The following RASA3 variants were observed in gnomAD, a reference collection of about 807,000 sequenced individuals.
RASA3 encodes the protein ras GTPase-activating protein 3.
A neutral mutation model predicts 110.0 loss-of-function variants in RASA3; 73 were observed. That is an observed-to-expected ratio of 0.66 (90% CI 0.55 to 0.81). The LOEUF (loss-of-function observed/expected upper bound fraction) is 0.81. RASA3 is among the 30% of genes least tolerant of loss of function. RASA3 has a pLI of 0.00. For synonymous variants in RASA3, 500 were observed against 451.4 expected, an observed-to-expected ratio of 1.11 and a Z score of -1.37; for missense variants, 976 against 1,113.2, an observed-to-expected ratio of 0.88 and a Z score of 1.75.
intron 5 of RASA3, among the ~76,000 whole-genome samples, chr13:114,028,704 G>A (rs1342943455): frequency 7.6e-5 from 7 of 91,908 alleles, no homozygotes; most frequent in East Asian, 7.9e-4. Context: ...CCTCTAAAAC[G>A]GCATCATCCT....
intron 4 of RASA3, among the ~76,000 whole-genome samples, chr13:114,034,300 C>T (rs949596666): frequency 6.6e-6 from 1 of 152,278 alleles, no homozygotes; most frequent in Non-Finnish European, 1.5e-5. Flanking sequence ...AGGACAGAAG[C>T]GTTCAGATTT....
At chr13:114,027,346 G>T in intron 7 of RASA3, 43 bp downstream of exon 7, 1 of 1,443,468 alleles carries the variant, frequency 6.9e-7, no homozygotes, top group Non-Finnish European at 9.7e-7. Flanking sequence ...ACGTGTCTCG[G>T]GTGCAGAGTT....
At position 114,056,113 on chromosome 13, in the gene RASA3, G is replaced by A. The variant is rs532044436; in HGVS notation, c.174-3958C>T. Among the ~76,000 whole-genome samples, 161 of 152,310 alleles carry A rather than the reference G, an allele frequency of 1.1e-3. No homozygotes were observed. Among genetic ancestry groups the A allele is most frequent in the Non-Finnish European group, 2.0e-3 (136 of 68,022 alleles). ...CCCCCCGCCCCCGCACAGGCACTGA[G>A]GACCCCACCACATGGGCCTGTGCCT... On this transcript the variant is annotated intron_variant, in intron 2 of 23. Transcript: ENST00000334062. This position sits in a 1 kb window ranked among gnomAD's most constrained non-coding sequence, Gnocchi z 5.7.
intron 3 of RASA3, among the ~76,000 whole-genome samples, chr13:114,043,838 C>CCCCCCCCCCCCCCCCCCCTCGCTGAGCCG (rs2078986042): frequency 5.0e-5 from 1 of 19,930 alleles, no homozygotes; most frequent in African/African-American, 4.3e-4. Flanking sequence ...ACTCGCTGAG[C>CCCCCCCCCCCCCCCCCCCTCGCTGAGCCG]CCCCCGCCCC....
rs1259730291 is a variant in RASA3, at chr13:114,115,831, G to C, written c.55+16604C>G. Among the ~76,000 whole-genome samples the C allele has an allele frequency of 6.6e-6, 1 of 152,246 alleles. No homozygotes were observed. Among genetic ancestry groups the C allele is most frequent in the East Asian group, 1.9e-4 (1 of 5,206 alleles). Reference sequence around the variant, plus strand: ...GACGTTGCTACAGATGTATGTGTTTGTGTGAAGCTGTATTTAAATGTGAGA... The same window carrying C: ...GACGTTGCTACAGATGTATGTGTTTCTGTGAAGCTGTATTTAAATGTGAGA... On this transcript the variant is annotated intron_variant, in intron 1 of 23. Coordinates refer to ENST00000334062, the MANE Select transcript of RASA3 (RefSeq NM_007368.4). This position sits in a 1 kb window ranked among gnomAD's most constrained non-coding sequence, Gnocchi z 5.0.
At chr13:114,009,623 G>A (rs569186797) in intron 16 of RASA3, among the ~76,000 whole-genome samples, 159 bp from the exon 17 acceptor site, 2 of 152,342 alleles carry the variant, frequency 1.3e-5, no homozygotes, top group South Asian at 2.1e-4. Flanking sequence ...AGGGCTGCCC[G>A]GAGGACGAAT....
rs892076818 is a variant in RASA3, at chr13:114,112,541, G to A, written c.55+19894C>T. 1.3e-5 allele frequency among the ~76,000 whole-genome samples: 2 copies of A among 152,160 alleles called. No individual in the cohort carries two copies. The highest frequency in any genetic ancestry group is 6.5e-5 in the Admixed American group (1 of 15,290). ...GCCAGCCCCAGCTCTGTAGGGGTGC[G>A]GCCTGCCTCGAGCACTTCACACGCG... is the stretch of plus-strand genomic sequence containing the variant. On this transcript the variant is annotated intron_variant, in intron 1 of 23. Transcript: ENST00000334062. This position sits in a 1 kb window ranked among gnomAD's most constrained non-coding sequence, Gnocchi z 4.8.
In RASA3 at chr13:114,057,131, G is replaced by T; in HGVS notation, c.174-4976C>A. The T allele has an allele frequency of 1.1e-6, 1 of 892,428 alleles. No homozygotes were observed. Among genetic ancestry groups the T allele is most frequent in the Non-Finnish European group, 1.3e-6 (1 of 745,320 alleles). 55.3% of individuals were successfully genotyped at this position (892,428 alleles called of 1,614,324 possible). A position where few individuals can be genotyped will look rare whatever the true frequency, so the allele number is the denominator to read the frequency against. On this transcript the variant is annotated intron_variant, in intron 2 of 23. Coordinates refer to ENST00000334062, the MANE Select transcript of RASA3 (RefSeq NM_007368.4). This position sits in a 1 kb window ranked among gnomAD's most constrained non-coding sequence, Gnocchi z 5.0. ...CAGGCGATGGGTGAGTGTTTTGCATGTCTGATGTCGTTTATTCTAGTGGTT... is the reference window on the plus strand; with the variant it reads ...CAGGCGATGGGTGAGTGTTTTGCATTTCTGATGTCGTTTATTCTAGTGGTT...
intron 2 of RASA3, among the ~76,000 whole-genome samples, chr13:114,063,505 A>C (rs2079397148): frequency 6.6e-6 from 1 of 152,180 alleles, no homozygotes; most frequent in Non-Finnish European, 1.5e-5. Flanking sequence ...AAATTTTTTA[A>C]ATAAAAGTGA....
chr13:114,000,907 G>A lies in RASA3; in HGVS notation c.1768C>T (p.Arg590Trp), dbSNP rs1332789130. The change falls in exon 19 of 24, where the codon CGG (arginine) becomes TGG (tryptophan). Residue 590 changes from arginine (R) to tryptophan (W), a missense_variant. Arg to Trp is a moderately radical substitution (Grantham distance 101). Coordinates refer to ENST00000334062, the MANE Select transcript of RASA3 (RefSeq NM_007368.4). ...EGFMIKRAQG[R>W]KRFGMKNFKK... The stretch of plus-strand genomic sequence containing the variant: ...AAATTCTTCATCCCAAAGCGCTTCC[G>A]TCCTTGGGCCCTCTTGATCATGAAC... 3 of 1,613,360 alleles carry A rather than the reference G, an allele frequency of 1.9e-6. No homozygotes were observed. Among genetic ancestry groups the A allele is most frequent in the Non-Finnish European group, 1.7e-6 (2 of 1,179,582 alleles).
At chr13:114,008,051 T>C (rs9562141) in intron 17 of RASA3, among the ~76,000 whole-genome samples, 3,185 of 6,736 alleles carry the variant, frequency 0.47, 119 homozygotes, top group Middle Eastern at 0.5. Flanking sequence ...CGTTCCTGAC[T>C]GTGGGGAGGA....
At chr13:114,000,117 G>C (rs1296448322) in intron 19 of RASA3, among the ~76,000 whole-genome samples, 1 of 113,056 alleles carries the variant, frequency 8.8e-6, no homozygotes, top group Non-Finnish European at 1.8e-5. Context: ...GGTGGTCTCT[G>C]CCAGGAGGGT....
chr13:113,992,647 T>C (rs1244397065), intron 21 of RASA3, 59 bp from the exon 22 acceptor site: 1 of 1,240,236 alleles, frequency 8.1e-7, no homozygotes, highest in African/African-American at 1.5e-5. Flanking sequence ...ATGCTTTTAA[T>C]AATGACATTC....
chr13:114,099,332 G>A (rs184827048), intron 1 of RASA3, among the ~76,000 whole-genome samples: 5 of 152,024 alleles, frequency 3.3e-5, no homozygotes, highest in African/African-American at 7.3e-5. Flanking sequence ...ATGGGGACAC[G>A]CGGGGCTGCA....
chr13:114,108,067 G>A (rs772650583), intron 1 of RASA3, among the ~76,000 whole-genome samples: 5 of 151,996 alleles, frequency 3.3e-5, no homozygotes, highest in Non-Finnish European at 7.4e-5. Context: ...TGGCCACTGG[G>A]TAAGGACCTC....
At chr13:114,081,524 T>G (rs1029814340) in intron 1 of RASA3, among the ~76,000 whole-genome samples, 3 of 152,144 alleles carry the variant, frequency 2.0e-5, no homozygotes, top group Non-Finnish European at 4.4e-5. Flanking sequence ...AGTCCTGAGA[T>G]GAATGGAGCA....
In RASA3 at chr13:114,055,270, T is replaced by C. The variant is rs114044354; in HGVS notation, c.174-3115A>G. Reference sequence around the variant, plus strand: ...ATGCATGTGCCCTGGAGCACTTGGGTGCACATGTACACAAAGGCACCACAG... The same window carrying C: ...ATGCATGTGCCCTGGAGCACTTGGGCGCACATGTACACAAAGGCACCACAG... On this transcript the variant is annotated intron_variant, in intron 2 of 23. Transcript: ENST00000334062. Among the ~76,000 whole-genome samples, 844 of 152,332 alleles carry C rather than the reference T, an allele frequency of 5.5e-3. 5 individuals are homozygous for C. The highest frequency in any genetic ancestry group is 0.019 in the African/African-American group (803 of 41,572).
chr13:114,132,379 G>A, intron 1 of RASA3, 56 bp downstream of exon 1: 1 of 1,444,054 alleles, frequency 6.9e-7, no homozygotes, highest in South Asian at 1.4e-5. Flanking sequence ...GGCGGGCGCG[G>A]GAGAGGACAG....
At chr13:114,007,965 G>GTA (rs1566470192) in intron 17 of RASA3, among the ~76,000 whole-genome samples, 4 of 93,346 alleles carry the variant, frequency 4.3e-5, no homozygotes. Flanking sequence ...GGGCCTGGAG[G>GTA]TTGCCCCCAC....
Sources: gnomAD v4.1 joint callset for allele counts (sites outside exome capture counted in the v4.1 genomes callset) on GRCh38, gnomAD v4.1.1 for gene constraint, Gnocchi (gnomAD v3.1) non-coding constraint, MANE v1.5 for transcripts, NCBI Gene and HGNC (gene_info 2026-07-23, HGNC 2026-07-21) for gene names.